SIPA1L3: variants seen among roughly 807,000 people sequenced by gnomAD.
SIPA1L3 encodes signal-induced proliferation-associated 1-like protein 3.
In SIPA1L3, 59 loss-of-function variants were observed where a neutral mutation model predicts 150.1. The ratio of observed to expected loss-of-function variants is 0.39; its 90% confidence interval spans 0.32 to 0.49. The LOEUF is 0.49. Ranked by LOEUF, SIPA1L3 falls within the 20% of genes least tolerant of loss-of-function variation. SIPA1L3 has a pLI of 0.86. For synonymous variants in SIPA1L3, 1,070 were observed against 1,077.6 expected (o/e 0.99, Z 0.14); for missense variants, 2,211 against 2,489.5 (o/e 0.89, Z 2.38).
rs191218071 is a variant in SIPA1L3 at position 38,035,278 on chromosome 19, C to T, written c.-311+6122C>T. Among the ~76,000 whole-genome samples, 39 of 152,354 alleles carry T rather than the reference C, an allele frequency of 2.6e-4. 1 individual carries two copies. Among genetic ancestry groups the T allele is most frequent in the African/African-American group, 9.4e-4 (39 of 41,584 alleles). On this transcript the variant is annotated intron_variant, in intron 2 of 21. Transcript: ENST00000222345. ...AAAGATTCAGACTTGGGTCTCCATC[C>T]ATCCTTCCAACCAACCATCATTGAT...
At chr19:37,927,145 C>CTT (rs34057465) in intron 1 of SIPA1L3, among the ~76,000 whole-genome samples, 52,946 of 128,388 alleles carry the variant, frequency 0.41, 12,681 homozygotes, top group Middle Eastern at 0.54. Flanking sequence ...TTTTCTTTTC[C>CTT]TTTTTTTTTT....
At chr19:37,973,554 A>AGGGG (rs529590845) in intron 1 of SIPA1L3, among the ~76,000 whole-genome samples, 16 of 31,684 alleles carry the variant, frequency 5.0e-4, no homozygotes, top group African/African-American at 1.9e-3. Context: ...AAAAAAAAAA[A>AGGGG]GCGGGAGGGG....
Position 37,913,736 on chromosome 19 carries a change from G to A in SIPA1L3, c.-379+6378G>A, listed in dbSNP as rs1015139116. 6.7e-5 allele frequency among the ~76,000 whole-genome samples: 10 copies of A among 149,724 alleles called. No homozygotes were observed. In the South Asian group the frequency reaches 1.9e-3, roughly 29 times the overall value. ...TTTTTTTTAATTAAAAAAAATCCTG[G>A]CTGGGCACAGCGGCTCACGCCTGTG... On this transcript the variant is annotated intron_variant, in intron 1 of 21. Transcript: ENST00000222345.
At chr19:38,088,553 A>C (rs1970191350) in intron 3 of SIPA1L3, among the ~76,000 whole-genome samples, 168 bp from the exon 4 acceptor site, 1 of 152,112 alleles carries the variant, frequency 6.6e-6, no homozygotes, top group Non-Finnish European at 1.5e-5. Flanking sequence ...TTTGCCTCTT[A>C]CAGTGTCTCC....
At chr19:37,922,456 C>T (rs1318806430) in intron 1 of SIPA1L3, among the ~76,000 whole-genome samples, 5 of 151,222 alleles carry the variant, frequency 3.3e-5, no homozygotes, top group Admixed American at 1.3e-4. Context: ...TGCAGTGGTG[C>T]GATCTTGGCT....
intron 15 of SIPA1L3, among the ~76,000 whole-genome samples, chr19:38,171,728 G>A (rs868141809): frequency 2.0e-5 from 3 of 152,018 alleles, no homozygotes; most frequent in Admixed American, 1.3e-4. Context: ...ATGGCAGTAG[G>A]CTCCTGCAGT....
Position 38,192,127 on chromosome 19 carries a change from C to G in SIPA1L3, c.4431-18C>G. The G allele has an allele frequency of 6.3e-7, 1 of 1,588,196 alleles. No homozygotes were observed. Among genetic ancestry groups the G allele is most frequent in the Non-Finnish European group, 8.6e-7 (1 of 1,168,260 alleles). The stretch of plus-strand genomic sequence containing the variant: ...GAGCCTCCCTGACACCCCTCTGACC[C>G]TGACGCTGTCATTCCAGGCAGGTGG... On this transcript the variant is annotated intron_variant, in intron 16 of 21. Coordinates refer to ENST00000222345, the MANE Select transcript of SIPA1L3 (RefSeq NM_015073.3).
At chr19:37,912,316 ATGGTC>A (rs1307641157) in intron 1 of SIPA1L3, among the ~76,000 whole-genome samples, 1 of 152,010 alleles carries the variant, frequency 6.6e-6, no homozygotes, top group East Asian at 1.9e-4. Context: ...CTGGGGCCAC[ATGGTC>A]TGGGTTCACA....
intron 1 of SIPA1L3, among the ~76,000 whole-genome samples, chr19:37,935,331 A>G (rs1433310967): frequency 6.6e-6 from 1 of 152,158 alleles, no homozygotes; most frequent in African/African-American, 2.4e-5. Context: ...CAGAATGTGC[A>G]AGAGATTTTT....
intron 15 of SIPA1L3, among the ~76,000 whole-genome samples, chr19:38,173,888 T>C (rs2146004611): frequency 6.6e-6 from 1 of 150,772 alleles, no homozygotes; most frequent in South Asian, 2.1e-4. Context: ...TCTGATGTGT[T>C]TGAGGAACAG....
chr19:38,168,936 TGAG>T (rs1243166719), intron 15 of SIPA1L3, among the ~76,000 whole-genome samples: 1 of 152,154 alleles, frequency 6.6e-6, no homozygotes, highest in Non-Finnish European at 1.5e-5. Flanking sequence ...ATGGGGTGCT[TGAG>T]GTGATTTGGG....
intron 2 of SIPA1L3, among the ~76,000 whole-genome samples, chr19:38,033,855 G>A (rs1037559934): frequency 6.6e-6 from 1 of 152,108 alleles, no homozygotes. Context: ...GCTGAAATTG[G>A]CAAACAATTA....
intron 10 of SIPA1L3, among the ~76,000 whole-genome samples, chr19:38,139,266 A>G (rs1046187108): frequency 2.0e-5 from 3 of 152,168 alleles, no homozygotes; most frequent in African/African-American, 7.2e-5. Context: ...ATTCTGTGCT[A>G]GTCATCGTGT....
At chr19:38,018,353 G>A (rs1038789083) in intron 1 of SIPA1L3, among the ~76,000 whole-genome samples, 2 of 151,660 alleles carry the variant, frequency 1.3e-5, no homozygotes, top group Admixed American at 6.6e-5. Context: ...TAGTAGAGAC[G>A]GGGTTTCACC....
chr19:37,979,556 CAA>C (rs56926575), intron 1 of SIPA1L3, among the ~76,000 whole-genome samples: 37,887 of 119,872 alleles, frequency 0.32, 5,964 homozygotes, highest in East Asian at 0.64. Flanking sequence ...GACTCTGTCT[CAA>C]AAAAAAAAAA....
chr19:37,951,696 A>G (rs1599833711), intron 1 of SIPA1L3, among the ~76,000 whole-genome samples: 1 of 151,934 alleles, frequency 6.6e-6, no homozygotes, highest in Non-Finnish European at 1.5e-5. Flanking sequence ...CAGGAAATAG[A>G]GACTATCCTG....
chr19:38,042,033 T>C (rs1968937623), intron 2 of SIPA1L3, among the ~76,000 whole-genome samples: 1 of 152,252 alleles, frequency 6.6e-6, no homozygotes, highest in African/African-American at 2.4e-5. Flanking sequence ...TCCTTTGCTG[T>C]GCAGAAGCTT....
intron 2 of SIPA1L3, among the ~76,000 whole-genome samples, chr19:38,030,209 G>A (rs538772864): frequency 6.6e-6 from 1 of 152,132 alleles, no homozygotes; most frequent in East Asian, 1.9e-4. Context: ...CTGCCACCAC[G>A]ATCAAGATTC....
chr19:38,029,999 C>T (rs1968608962), intron 2 of SIPA1L3, among the ~76,000 whole-genome samples: 1 of 152,110 alleles, frequency 6.6e-6, no homozygotes, highest in Non-Finnish European at 1.5e-5. Flanking sequence ...GGATTACAGG[C>T]CCCTGACATC....
Sources: gnomAD v4.1 joint callset for allele counts (sites outside exome capture counted in the v4.1 genomes callset) on GRCh38, gnomAD v4.1.1 for gene constraint, MANE v1.5 for transcripts, NCBI Gene and HGNC (gene_info 2026-07-23, HGNC 2026-07-21) for gene names.